The following CUL3 variants were observed in gnomAD, a reference collection of about 807,000 sequenced individuals.
CUL3 encodes cullin 3, also known as cullin-3.
Under a neutral mutation model 89.1 loss-of-function variants are expected in CUL3, and 19 were observed. The ratio of observed to expected loss-of-function variants is 0.21; its 90% CI spans 0.15 to 0.31. The LOEUF is 0.31. Among genes scored for constraint, CUL3 ranks in the 10% least tolerant of loss-of-function variants. The pLI is 1.00. For synonymous variants in CUL3, 351 were observed against 308.4 expected, an observed-to-expected ratio of 1.14 and a Z score of -1.45; for missense variants, 469 against 942.3, an observed-to-expected ratio of 0.50 and a Z score of 6.58.
intron 10 of CUL3, among the ~76,000 whole-genome samples, chr2:224,500,887 G>A (rs1692362102): frequency 6.6e-6 from 1 of 152,048 alleles, no homozygotes; most frequent in Admixed American, 6.6e-5. Flanking sequence ...GCCTCCCAAA[G>A]TGCTGGGACT....
chr2:224,584,197 C>T (rs2106330271), intron 1 of CUL3, among the ~76,000 whole-genome samples: 1 of 152,292 alleles, frequency 6.6e-6, no homozygotes, highest in East Asian at 1.9e-4. Context: ...AACAAAGCTA[C>T]TCCGCAAGGC....
Position 224,585,173 on chromosome 2 carries a change from CG to C in CUL3, c.-165del. On this transcript the variant is annotated 5_prime_UTR_variant, in exon 1 of 16. Coordinates refer to ENST00000264414, the MANE Select transcript of CUL3 (RefSeq NM_003590.5). Reference sequence around the variant, plus strand: ...GGCCCCTGGGCAGCCGCGGCGGCGGCGGGGGCGGCGGCGGCGGCGGCGGCGG... The same window carrying C: ...GGCCCCTGGGCAGCCGCGGCGGCGGCGGGGCGGCGGCGGCGGCGGCGGCGG... 3 of 258,568 alleles carry C rather than the reference CG, an allele frequency of 1.2e-5. No homozygotes were observed. The highest frequency in any genetic ancestry group is 1.8e-5 in the Non-Finnish European group (3 of 164,318). The allele number at this position is 258,568 out of a possible 1,614,324, so 16.0% of individuals were successfully genotyped here. A position where few individuals can be genotyped will look rare whatever the true frequency, so the allele number is the denominator to read the frequency against.
At chr2:224,492,631 A>G (rs1486098726) in intron 13 of CUL3, among the ~76,000 whole-genome samples, 1 of 152,212 alleles carries the variant, frequency 6.6e-6, no homozygotes, top group Non-Finnish European at 1.5e-5. Flanking sequence ...ACTTACCTTT[A>G]GTCATTCAAA....
At chr2:224,517,604 CAG>C (rs1310680958) in intron 3 of CUL3, among the ~76,000 whole-genome samples, 3 of 152,172 alleles carry the variant, frequency 2.0e-5, no homozygotes, top group Non-Finnish European at 4.4e-5. Context: ...ACCCAGTAGA[CAG>C]AGGCTGCAAT....
intron 14 of CUL3, chr2:224,478,904 TTC>T (rs1691426456): frequency 1.3e-5 from 2 of 152,322 alleles, no homozygotes; most frequent in African/African-American, 4.8e-5. Context: ...CTCCCTAGAG[TTC>T]TGTTATCTAA....
At chr2:224,529,560 C>T (rs1260092002) in intron 3 of CUL3, among the ~76,000 whole-genome samples, 7 of 151,006 alleles carry the variant, frequency 4.6e-5, no homozygotes, top group South Asian at 2.1e-4. Flanking sequence ...ACCCGGGAGG[C>T]GGAGCTTGCA....
chr2:224,545,745 G>T (rs1170154210), intron 2 of CUL3, among the ~76,000 whole-genome samples: 1 of 152,130 alleles, frequency 6.6e-6, no homozygotes, highest in Non-Finnish European at 1.5e-5. Context: ...CCTAATATTA[G>T]CATTCAAATG....
chr2:224,556,855 C>CA (rs145709722), intron 2 of CUL3, among the ~76,000 whole-genome samples: 49 of 151,190 alleles, frequency 3.2e-4, no homozygotes, highest in African/African-American at 5.8e-4. Flanking sequence ...GAAAAACTGG[C>CA]AAAAAAAATG....
rs779548692 is a variant in CUL3, at chr2:224,585,020, C to T, written c.-11G>A. ...GCTCAGATTCGACATGGTGCTCGTC[C>T]CCTCCCCGGCGGCGGCTTCAGGTCG... On this transcript the variant is annotated 5_prime_UTR_variant, in exon 1 of 16. Transcript: ENST00000264414. 10 of 1,494,188 alleles carry T rather than the reference C, an allele frequency of 6.7e-6. No individual in the cohort carries two copies. The highest frequency in any genetic ancestry group is 9.0e-6 in the Non-Finnish European group (10 of 1,109,540). 92.6% of individuals were successfully genotyped at this position (1,494,188 alleles called of 1,614,324 possible).
intron 2 of CUL3, among the ~76,000 whole-genome samples, chr2:224,540,391 C>A: frequency 6.6e-6 from 1 of 150,514 alleles, no homozygotes; most frequent in Admixed American, 6.6e-5. Flanking sequence ...CTCTAAAAAC[C>A]AAACTTTATA....
At chr2:224,555,269 G>C (rs776258936) in intron 2 of CUL3, among the ~76,000 whole-genome samples, 4 of 152,058 alleles carry the variant, frequency 2.6e-5, no homozygotes, top group Non-Finnish European at 2.9e-5. Flanking sequence ...TTACTTCACA[G>C]TATTTGCAAT....
chr2:224,546,886 A>C (rs752462896), intron 2 of CUL3, among the ~76,000 whole-genome samples: 4 of 151,872 alleles, frequency 2.6e-5, no homozygotes, highest in Admixed American at 6.6e-5. Flanking sequence ...TCCCTTTTCC[A>C]CACACTATCC....
chr2:224,582,016 G>A (rs1242824414), intron 1 of CUL3, among the ~76,000 whole-genome samples: 1 of 151,966 alleles, frequency 6.6e-6, no homozygotes. Flanking sequence ...CCAGGCTGGA[G>A]TGCAATGGCG....
At chr2:224,508,984 G>GA (rs1692711995) in intron 6 of CUL3, among the ~76,000 whole-genome samples, 1 of 122,508 alleles carries the variant, frequency 8.2e-6, no homozygotes, top group Non-Finnish European at 1.7e-5. Flanking sequence ...AGATACCTCT[G>GA]AACTTCATTT....
At chr2:224,511,641 T>C (rs529451640) in intron 5 of CUL3, 59 bp from the exon 6 acceptor site, 87 of 950,374 alleles carry the variant, frequency 9.2e-5, no homozygotes, top group Admixed American at 4.0e-4. Context: ...TTTTTGCTTT[T>C]AGCTGGGTTT....
chr2:224,572,117 T>C (rs899416653), intron 1 of CUL3, among the ~76,000 whole-genome samples: 6 of 152,198 alleles, frequency 3.9e-5, no homozygotes, highest in African/African-American at 1.2e-4. Context: ...GCTACATGTT[T>C]GTTTCAGTCT....
At chr2:224,539,797 G>A (rs1054865127) in intron 2 of CUL3, among the ~76,000 whole-genome samples, 1 of 151,998 alleles carries the variant, frequency 6.6e-6, no homozygotes, top group Non-Finnish European at 1.5e-5. Context: ...ATGTAAGTAG[G>A]CAGAGCACAG....
chr2:224,559,545 T>C (rs951102398), intron 1 of CUL3, among the ~76,000 whole-genome samples: 11 of 152,076 alleles, frequency 7.2e-5, no homozygotes, highest in Admixed American at 1.3e-4. Flanking sequence ...AATCTCTCTT[T>C]CCATTTATGG....
At chr2:224,574,328 T>TA (rs1258462034) in intron 1 of CUL3, among the ~76,000 whole-genome samples, 2 of 151,954 alleles carry the variant, frequency 1.3e-5, no homozygotes, top group Non-Finnish European at 2.9e-5. Flanking sequence ...AAACTGAATT[T>TA]AAAAAAAAGA....
Sources: allele counts gnomAD v4.1 joint callset (sites outside exome capture counted in the v4.1 genomes callset), GRCh38; gene constraint gnomAD v4.1.1; transcripts MANE v1.5; gene names NCBI Gene and HGNC (gene_info 2026-07-23, HGNC 2026-07-21).